Variants in SETD9 observed in about 807,000 individuals in gnomAD.
The protein encoded by SETD9 is SET domain containing 9.
A neutral mutation model predicts 36.4 loss-of-function variants in SETD9; 37 were observed. The ratio of observed to expected loss-of-function variants is 1.02; its 90% confidence interval spans 0.78 to 1.34. The LOEUF is 1.34. Among genes scored for constraint, SETD9 ranks in the 40% most tolerant of loss-of-function variants. The pLI is 0.00. For missense variants in SETD9, 323 were observed against 353.2 expected (o/e 0.91, Z 0.69); for synonymous variants, 128 against 132.9 (o/e 0.96, Z 0.26).
At chr5:56,914,574 T>C (rs1481693823) in intron 4 of SETD9, among the ~76,000 whole-genome samples, 1 of 152,066 alleles carries the variant, frequency 6.6e-6, no homozygotes, top group East Asian at 1.9e-4. Context: ...TGTTGGTAGA[T>C]ATTATCTAAA....
At chr5:56,915,962 A>C (rs1439839784) in intron 5 of SETD9, among the ~76,000 whole-genome samples, 2 of 152,146 alleles carry the variant, frequency 1.3e-5, no homozygotes, top group African/African-American at 4.8e-5. Flanking sequence ...ATCCTGTCCC[A>C]AAACAGGAAA....
At chr5:56,927,321 A>G (rs749281340), downstream of SETD9, among the ~76,000 whole-genome samples, 1 of 152,140 alleles carries the variant, frequency 6.6e-6, no homozygotes, top group Non-Finnish European at 1.5e-5. Context: ...TAAAAGATAT[A>G]ATAATAACTA....
At chr5:56,911,620 T>TC (rs1279387482) in intron 2 of SETD9, 84 bp downstream of exon 2, 1 of 1,375,332 alleles carries the variant, frequency 7.3e-7, no homozygotes, top group African/African-American at 1.5e-5. Flanking sequence ...AGCCTTGCAA[T>TC]CCTTAGAGTA....
At position 56,911,213 on chromosome 5, in the gene SETD9, C is replaced by A; in HGVS notation, c.143C>A (p.Ser48Ter). 6.3e-7 allele frequency: 1 copy of A among 1,578,220 alleles called. No homozygotes were observed. Among genetic ancestry groups the A allele is most frequent in the South Asian group, 1.2e-5 (1 of 84,258 alleles). ...VPEESKDKVI[S>*]DEDVLGTLLK... ...GAGGAATCCAAAGACAAAGTTATCT[C>A]AGATGAAGATGTCCTAGGAACATTA... Residue 48 changes from serine (S) to a stop codon, truncating the protein, a stop_gained, in exon 2 of 6, where the codon TCA becomes TAA. Coordinates refer to ENST00000285947, the MANE Select transcript of SETD9 (RefSeq NM_153706.4). LOFTEE classifies it high-confidence loss of function.
chr5:56,916,063 G>A (rs886635105), intron 5 of SETD9, among the ~76,000 whole-genome samples: 4 of 152,030 alleles, frequency 2.6e-5, no homozygotes, highest in South Asian at 4.1e-4. Context: ...CATATACTCC[G>A]GGGCATGATG....
Position 56,911,117 on chromosome 5 carries a change from T to C in SETD9, c.99-52T>C, listed in dbSNP as rs1749095054. ...GGAACCCAGAAGTTATGCAGGTAAG[T>C]TTGGCTTTTATCAGTTGAAGGGTAG... is the stretch of plus-strand genomic sequence containing the variant. On this transcript the variant is annotated intron_variant, in intron 1 of 5. Coordinates refer to ENST00000285947, the MANE Select transcript of SETD9 (RefSeq NM_153706.4). 3 of 1,493,502 alleles carry C rather than the reference T, an allele frequency of 2.0e-6. No individual in the cohort carries two copies. In the East Asian group the frequency reaches 7.0e-5, roughly 35 times the overall value. 92.5% of individuals were successfully genotyped at this position (1,493,502 alleles called of 1,614,324 possible). A position where few individuals can be genotyped will look rare whatever the true frequency, so the allele number is the denominator to read the frequency against.
chr5:56,917,210 T>C lies in SETD9; in HGVS notation c.*308T>C. The C allele has an allele frequency of 9.4e-7, 1 of 1,063,098 alleles. No individual in the cohort carries two copies. Among genetic ancestry groups the C allele is most frequent in the African/African-American group, 1.7e-5 (1 of 58,272 alleles). The allele number at this position is 1,063,098 out of a possible 1,614,324, so 65.9% of individuals were successfully genotyped here. On this transcript the variant is annotated 3_prime_UTR_variant, in exon 6 of 6. Transcript: ENST00000285947. ...ATTTCAATTTTTCTTTTGTTTATTT[T>C]GTAAGCTCTGTGGTGGTTTATAAAA...
downstream of SETD9, among the ~76,000 whole-genome samples, chr5:56,918,138 C>T (rs2112041289): frequency 6.6e-6 from 1 of 152,298 alleles, no homozygotes; most frequent in South Asian, 2.1e-4. Flanking sequence ...TGCTGAAGTC[C>T]TTCACATGCA....
intron 5 of SETD9, among the ~76,000 whole-genome samples, chr5:56,915,740 G>C (rs1395046833): frequency 6.6e-6 from 1 of 152,146 alleles, no homozygotes; most frequent in African/African-American, 2.4e-5. Context: ...AAGGTGGGTG[G>C]ATTGCTTGAG....
chr5:56,925,385 G>A, exon 6 of SETD9: 1 of 451,598 alleles, frequency 2.2e-6, no homozygotes, highest in Non-Finnish European at 4.4e-6. Context: ...AAAATCGCCT[G>A]TAACTAATAA....
downstream of SETD9, chr5:56,921,940 T>TA (rs199504226): frequency 0.013 from 2,049 of 152,708 alleles, 20 homozygotes; most frequent in Non-Finnish European, 0.021. Flanking sequence ...ATATTTGGAA[T>TA]AAAAATAAAA....
chr5:56,926,714 C>T (rs771680058), downstream of SETD9, among the ~76,000 whole-genome samples: 5 of 152,130 alleles, frequency 3.3e-5, no homozygotes, highest in Non-Finnish European at 7.4e-5. Context: ...AATCCTTACT[C>T]CTTCGTATTT....
intron 2 of SETD9, chr5:56,912,223 G>T (rs1012811858): frequency 2.0e-6 from 2 of 984,874 alleles, no homozygotes; most frequent in Admixed American, 6.2e-5. Context: ...ATAAGTCACC[G>T]AATGAAGACC....
At chr5:56,920,187 T>G (rs1749602773), downstream of SETD9, 1 of 152,588 alleles carries the variant, frequency 6.6e-6, no homozygotes. Context: ...CAAATTTTAG[T>G]ATTTTTTAAA....
At chr5:56,910,118 T>G (rs1196010779) in intron 1 of SETD9, 1 of 1,240,384 alleles carries the variant, frequency 8.1e-7, no homozygotes, top group Non-Finnish European at 1.0e-6. Context: ...CGTTCGGCAC[T>G]GACTGGGGAG....
intron 4 of SETD9, 106 bp downstream of exon 4, chr5:56,914,095 G>C: frequency 1.4e-6 from 1 of 690,482 alleles, no homozygotes; most frequent in Non-Finnish European, 2.4e-6. Context: ...CATATAATAA[G>C]CTAGTCAAGT....
intron 1 of SETD9, chr5:56,910,501 A>T (rs976103850): frequency 1.3e-5 from 13 of 994,736 alleles, no homozygotes; most frequent in Non-Finnish European, 1.7e-5. Flanking sequence ...ACAAATAGGG[A>T]AACAAAGCGG....
At chr5:56,927,172 T>C (rs1007154723), downstream of SETD9, among the ~76,000 whole-genome samples, 3 of 152,076 alleles carry the variant, frequency 2.0e-5, no homozygotes, top group African/African-American at 7.2e-5. Flanking sequence ...CTGGTGGATA[T>C]GTATCATTAT....
Position 56,909,770 on chromosome 5 carries a change from G to A in SETD9, c.98+27G>A, listed in dbSNP as rs201202824. The A allele has an allele frequency of 8.6e-4, 1,373 of 1,594,066 alleles. 2 individuals are homozygous for A. Among genetic ancestry groups the A allele is most frequent in the Non-Finnish European group, 1.1e-3 (1,300 of 1,166,784 alleles). ...TGAGAGGGCGGGACGGCAGAACGAG[G>A]GGCACCTGCCTTCGGTTCCCAGACG... On this transcript the variant is annotated intron_variant, in intron 1 of 5. Coordinates refer to ENST00000285947, the MANE Select transcript of SETD9 (RefSeq NM_153706.4).
Sources: allele counts gnomAD v4.1 joint callset (sites outside exome capture counted in the v4.1 genomes callset), GRCh38; gene constraint gnomAD v4.1.1; transcripts MANE v1.5; gene names NCBI Gene and HGNC (gene_info 2026-07-23, HGNC 2026-07-21).